Variants in EFHD1 observed in about 807,000 individuals in gnomAD.
The protein encoded by EFHD1 is EF-hand domain-containing protein D1.
EFHD1 carries 10 observed loss-of-function variants against 17.2 expected under a neutral mutation model. The observed-to-expected ratio is 0.58, with a 90% CI of 0.36 to 0.99. EFHD1 has a LOEUF of 0.99. Ranked by LOEUF, EFHD1 falls within the 50% of genes least tolerant of loss-of-function variation. The pLI is 0.01. For synonymous variants in EFHD1, 153 were observed against 142.0 expected (o/e 1.08, Z -0.55); for missense variants, 310 against 327.5 (o/e 0.95, Z 0.41).
intron 1 of EFHD1, among the ~76,000 whole-genome samples, chr2:232,623,952 C>A (rs898127654): frequency 6.6e-6 from 1 of 152,002 alleles, no homozygotes; most frequent in Non-Finnish European, 1.5e-5. Context: ...AGTTGACCGA[C>A]CAGATGTAGG....
intron 2 of EFHD1, among the ~76,000 whole-genome samples, 156 bp downstream of exon 2, chr2:232,663,105 A>G (rs1350332640): frequency 6.6e-6 from 1 of 152,222 alleles, no homozygotes; most frequent in Non-Finnish European, 1.5e-5. Flanking sequence ...TTTAGGTGAC[A>G]GCTAACCCCA....
intron 3 of EFHD1, among the ~76,000 whole-genome samples, chr2:232,675,246 G>GAAAGAAAAGAAAAGAAAAGAAAAGA (rs71056291): frequency 1.3e-4 from 20 of 149,282 alleles, no homozygotes; most frequent in African/African-American, 4.4e-4. Context: ...AGAAAGAAAA[G>GAAAGAAAAGAAAAGAAAAGAAAAGA]AAAGAAAAGA....
At chr2:232,614,135 CACAT>C (rs1386039873) in intron 1 of EFHD1, among the ~76,000 whole-genome samples, 7 of 151,930 alleles carry the variant, frequency 4.6e-5, no homozygotes, top group Admixed American at 3.9e-4. Context: ...CATATGTACA[CACAT>C]ACATATACAC....
At position 232,672,393 on chromosome 2, in the gene EFHD1, G is replaced by A. The variant is rs757443440; in HGVS notation, c.535G>A (p.Asp179Asn). 11 of 1,613,792 alleles carry A rather than the reference G, an allele frequency of 6.8e-6. No homozygotes were observed. The highest frequency in any genetic ancestry group is 1.7e-5 in the Admixed American group (1 of 59,968). ...GGCGCTGGCAAAGCTTTCTGAGATC[G>A]ATGTGGCCCTGGAGGGTGTCAAAGG... is the stretch of plus-strand genomic sequence containing the variant. ...LMALAKLSEIDVALEGVKGAK... is the reference protein window; with the variant it reads ...LMALAKLSEINVALEGVKGAK... Residue 179 changes from aspartate to asparagine, a missense_variant, in exon 3 of 4, where the codon GAT becomes AAT. Transcript: ENST00000264059.
At chr2:232,647,095 G>A (rs1199431855) in intron 1 of EFHD1, among the ~76,000 whole-genome samples, 4 of 152,252 alleles carry the variant, frequency 2.6e-5, no homozygotes, top group South Asian at 4.1e-4. Context: ...AAAAAGGTAA[G>A]TGACCACCTT....
intron 1 of EFHD1, among the ~76,000 whole-genome samples, chr2:232,616,305 A>AT (rs202133515): frequency 0.016 from 2,316 of 147,808 alleles, 57 homozygotes; most frequent in East Asian, 0.15. Context: ...CACTTTATTT[A>AT]TTTTTTTTTT....
intron 1 of EFHD1, among the ~76,000 whole-genome samples, chr2:232,646,175 G>A (rs1694522967): frequency 6.6e-6 from 1 of 152,146 alleles, no homozygotes; most frequent in South Asian, 2.1e-4. Flanking sequence ...TTTGGGTTGG[G>A]GTGGGGCAAT....
At chr2:232,633,361 G>A (rs927656796), upstream of EFHD1, 1 of 768,784 alleles carries the variant, frequency 1.3e-6, no homozygotes, top group African/African-American at 1.8e-5. Context: ...CAAGGTCGGA[G>A]TTGATCCGAG....
chr2:232,631,338 C>T (rs113556502), upstream of EFHD1, among the ~76,000 whole-genome samples: 6,372 of 151,666 alleles, frequency 0.042, 140 homozygotes, highest in South Asian at 0.08. Flanking sequence ...TCTTACTCTA[C>T]CACCCAGGCT....
intron 1 of EFHD1, among the ~76,000 whole-genome samples, chr2:232,651,941 A>G (rs1015843204): frequency 7.0e-5 from 6 of 85,676 alleles, no homozygotes; most frequent in African/African-American, 4.1e-4. Context: ...CTAAAACCCA[A>G]CTCCTGGCCA....
intron 1 of EFHD1, among the ~76,000 whole-genome samples, chr2:232,619,315 T>TC (rs1237453132): frequency 1.5e-4 from 7 of 46,304 alleles, no homozygotes; most frequent in Admixed American, 1.2e-3. Context: ...TTTCTTTCTT[T>TC]TTTTTTTTTT....
chr2:232,643,391 G>A (rs898373446), intron 1 of EFHD1, among the ~76,000 whole-genome samples: 1 of 151,790 alleles, frequency 6.6e-6, no homozygotes, highest in African/African-American at 2.4e-5. Flanking sequence ...GTCCATCTGT[G>A]TGCTTTGTTT....
chr2:232,640,824 G>A (rs902530530), intron 1 of EFHD1, among the ~76,000 whole-genome samples: 1 of 152,148 alleles, frequency 6.6e-6, no homozygotes, highest in Non-Finnish European at 1.5e-5. Flanking sequence ...CAGCCAGGGA[G>A]GAGCAGCCAC....
At chr2:232,627,143 A>C (rs921421424) in intron 1 of EFHD1, among the ~76,000 whole-genome samples, 9 of 148,258 alleles carry the variant, frequency 6.1e-5, no homozygotes, top group African/African-American at 2.2e-4. Context: ...AGGTAGGAGG[A>C]TCACTTAACC....
intron 3 of EFHD1, among the ~76,000 whole-genome samples, chr2:232,676,949 A>G (rs1262841770): frequency 6.6e-6 from 1 of 152,018 alleles, no homozygotes; most frequent in African/African-American, 2.4e-5. Flanking sequence ...GCAGTGAGCT[A>G]TGATCATACC....
intron 1 of EFHD1, among the ~76,000 whole-genome samples, chr2:232,614,701 C>T (rs759526091): frequency 4.6e-5 from 7 of 152,154 alleles, no homozygotes; most frequent in Non-Finnish European, 5.9e-5. Flanking sequence ...TTTGGCCAGG[C>T]GCAGTGGCTA....
chr2:232,633,609 G>A lies in EFHD1; in HGVS notation c.-96G>A. 17 of 1,329,472 alleles carry A rather than the reference G, an allele frequency of 1.3e-5. No homozygotes were observed. Among genetic ancestry groups the A allele is most frequent in the Non-Finnish European group, 1.6e-5 (17 of 1,047,564 alleles). 82.4% of individuals were successfully genotyped at this position (1,329,472 alleles called of 1,614,324 possible). ...CGGGTCCCCGCCGCCTCGGCGGAGT[G>A]TTGTAGAGCCTCGAGCCTGCGAGGA... On this transcript the variant is annotated 5_prime_UTR_variant, in exon 1 of 4. Coordinates refer to ENST00000264059, the MANE Select transcript of EFHD1 (RefSeq NM_025202.4).
At chr2:232,623,687 AAAAAAAAGAAGAAG>A (rs1362342191) in intron 1 of EFHD1, among the ~76,000 whole-genome samples, 4 of 69,424 alleles carry the variant, frequency 5.8e-5, no homozygotes, top group African/African-American at 1.7e-4. Context: ...AAAAAAAAAA[AAAAAAAAGAAGAAG>A]AAGAAGAAGA....
rs1455864345 is a variant in EFHD1, at chr2:232,633,751, G to A, written c.47G>A (p.Arg16His). Residue 16 changes from arginine to histidine, a missense_variant, in exon 1 of 4, where the codon CGC becomes CAC. Transcript: ENST00000264059. ...LACKLERRLR[R>H]EEAEESGPQL... is the part of the protein sequence containing the mutation. Reference sequence around the variant, plus strand: ...TGCAAGCTGGAGCGCCGGCTGCGGCGCGAGGAGGCCGAGGAGAGTGGCCCC... The same window carrying A: ...TGCAAGCTGGAGCGCCGGCTGCGGCACGAGGAGGCCGAGGAGAGTGGCCCC... The A allele has an allele frequency of 1.4e-6, 2 of 1,469,456 alleles. No individual in the cohort carries two copies. The highest frequency in any genetic ancestry group is 1.3e-5 in the South Asian group (1 of 77,030). The allele number at this position is 1,469,456 out of a possible 1,614,324, so 91.0% of individuals were successfully genotyped here.
Sources: gnomAD v4.1 joint callset for allele counts (sites outside exome capture counted in the v4.1 genomes callset) on GRCh38, gnomAD v4.1.1 for gene constraint, MANE v1.5 for transcripts, NCBI Gene and HGNC (gene_info 2026-07-23, HGNC 2026-07-21) for gene names.